Variants in ZZEF1 observed in about 807,000 individuals in gnomAD.
ZZEF1 encodes zinc finger ZZ-type and EF-hand domain-containing protein 1.
A neutral mutation model predicts 342.8 loss-of-function variants in ZZEF1; 157 were observed. The ratio of observed to expected loss-of-function variants is 0.46; its 90% confidence interval spans 0.40 to 0.52. The LOEUF (loss-of-function observed/expected upper bound fraction) is 0.52. ZZEF1 is among the 20% of genes least tolerant of loss of function. The pLI is 0.00. For synonymous variants in ZZEF1, 1,505 were observed against 1,429.1 expected (o/e 1.05, Z -1.20); for missense variants, 3,480 against 3,725.6 (o/e 0.93, Z 1.72).
In ZZEF1 at chr17:4,090,845, G is replaced by A. The variant is rs775175648; in HGVS notation, c.1914-15C>T. The A allele has an allele frequency of 8.1e-6, 13 of 1,598,114 alleles. No homozygotes were observed. Among genetic ancestry groups the A allele is most frequent in the South Asian group, 5.5e-5 (5 of 90,810 alleles). ...AGCAACCAATCCTGTAAAGACAAGAGTATTCACAAAACATTTTATTTTGAA... is the reference window on the plus strand; with the variant it reads ...AGCAACCAATCCTGTAAAGACAAGAATATTCACAAAACATTTTATTTTGAA... On this transcript the variant is annotated splice_polypyrimidine_tract_variant and intron_variant, in intron 11 of 54. Coordinates refer to ENST00000381638, the MANE Select transcript of ZZEF1 (RefSeq NM_015113.4).
chr17:4,056,529 A>T (rs2057162947), intron 32 of ZZEF1, among the ~76,000 whole-genome samples, 184 bp from the exon 33 acceptor site: 1 of 152,218 alleles, frequency 6.6e-6, no homozygotes. Flanking sequence ...ATGCCAAGAA[A>T]GAAGGAGAAG....
intron 24 of ZZEF1, among the ~76,000 whole-genome samples, chr17:4,073,426 A>G (rs1345136554): frequency 2.0e-5 from 3 of 151,128 alleles, no homozygotes; most frequent in Non-Finnish European, 4.4e-5. Flanking sequence ...TATACTGAAC[A>G]CATCTTTTTC....
intron 3 of ZZEF1, among the ~76,000 whole-genome samples, chr17:4,116,296 G>A (rs1021178404): frequency 6.6e-6 from 1 of 152,160 alleles, no homozygotes; most frequent in African/African-American, 2.4e-5. Flanking sequence ...TGGGCAACAA[G>A]AACGAAACTC....
In ZZEF1 at chr17:4,006,034, T is replaced by C. The variant is rs1046798770; in HGVS notation, c.*856A>G. On this transcript the variant is annotated 3_prime_UTR_variant, in exon 55 of 55. Transcript: ENST00000381638. ...TCAAGCAGAAATAAAATTATGTGGG[T>C]TTTTACTCTTAAAATAAGATATCCT... is the stretch of plus-strand genomic sequence containing the variant. 3.3e-5 allele frequency: 5 copies of C among 152,060 alleles called. No individual in the cohort carries two copies. Among genetic ancestry groups the C allele is most frequent in the African/African-American group, 1.2e-4 (5 of 41,388 alleles). 9.4% of individuals were successfully genotyped at this position (152,060 alleles called of 1,614,324 possible).
In ZZEF1 at chr17:4,054,211, T is replaced by C. The variant is rs184727903; in HGVS notation, c.5296-16A>G. The C allele has an allele frequency of 6.2e-7, 1 of 1,606,058 alleles. No homozygotes were observed. Among genetic ancestry groups the C allele is most frequent in the Non-Finnish European group, 8.5e-7 (1 of 1,175,418 alleles). On this transcript the variant is annotated splice_polypyrimidine_tract_variant and intron_variant, in intron 33 of 54. Transcript: ENST00000381638. ...ACATGTGCATCTGTAAGGCCAAACATATACAATTAACTGATAGATTTTCTA... is the reference window on the plus strand; with the variant it reads ...ACATGTGCATCTGTAAGGCCAAACACATACAATTAACTGATAGATTTTCTA...
intron 26 of ZZEF1, among the ~76,000 whole-genome samples, chr17:4,069,831 A>G (rs2057474274): frequency 6.6e-6 from 1 of 150,640 alleles, no homozygotes; most frequent in Admixed American, 6.7e-5. Context: ...ACTCCGTCTC[A>G]AAAAGTAAAA....
At chr17:4,055,130 G>A (rs2057129655) in intron 33 of ZZEF1, among the ~76,000 whole-genome samples, 1 of 152,198 alleles carries the variant, frequency 6.6e-6, no homozygotes, top group East Asian at 1.9e-4. Flanking sequence ...TTACTGGAAA[G>A]TACTTGGACT....
intron 39 of ZZEF1, among the ~76,000 whole-genome samples, chr17:4,041,559 T>C (rs771834382): frequency 6.6e-6 from 1 of 152,228 alleles, no homozygotes; most frequent in East Asian, 1.9e-4. Context: ...GATTCCTCTC[T>C]GTTTACTAGA....
At chr17:4,131,459 A>C (rs2058660772) in intron 1 of ZZEF1, among the ~76,000 whole-genome samples, 1 of 143,564 alleles carries the variant, frequency 7.0e-6, no homozygotes, top group Non-Finnish European at 1.5e-5. Flanking sequence ...TCAATTGTTA[A>C]CTCCAAAGAA....
At chr17:4,117,665 AAAAG>A in intron 2 of ZZEF1, among the ~76,000 whole-genome samples, 1 of 151,774 alleles carries the variant, frequency 6.6e-6, no homozygotes, top group Non-Finnish European at 1.5e-5. Flanking sequence ...AAAAAAAAAA[AAAAG>A]AATTAATTTA....
rs188054727 is a variant in ZZEF1, at chr17:4,079,438, G to A, written c.2830-1396C>T. 4.1e-4 allele frequency among the ~76,000 whole-genome samples: 63 copies of A among 152,292 alleles called. 1 individual carries two copies. The highest frequency in any genetic ancestry group is 1.9e-4 in the East Asian group (1 of 5,192). ...AATGCAGAAATAAGGATGGAGATTCGAATGAGCCATGGCTAACTGGGGCCG... is the reference window on the plus strand; with the variant it reads ...AATGCAGAAATAAGGATGGAGATTCAAATGAGCCATGGCTAACTGGGGCCG... On this transcript the variant is annotated intron_variant, in intron 18 of 54. Coordinates refer to ENST00000381638, the MANE Select transcript of ZZEF1 (RefSeq NM_015113.4).
At chr17:4,036,191 C>A (rs1411713235) in intron 39 of ZZEF1, among the ~76,000 whole-genome samples, 1 of 151,878 alleles carries the variant, frequency 6.6e-6, no homozygotes, top group Non-Finnish European at 1.5e-5. Context: ...ATGATGGGAT[C>A]CAGGATTCTC....
chr17:4,081,396 C>T lies in ZZEF1; in HGVS notation c.2809G>A (p.Val937Ile), dbSNP rs559335570. The change falls in exon 18 of 55, where the codon GTC (valine) becomes ATC (isoleucine). Residue 937 changes from valine (V) to isoleucine (I), a missense_variant. Transcript: ENST00000381638. ...GATACCTCTCGAGCAGCAACAGAGACGAGAGTGTCCATGACCGCCAGGACT... is the reference window on the plus strand; with the variant it reads ...GATACCTCTCGAGCAGCAACAGAGATGAGAGTGTCCATGACCGCCAGGACT... The part of the protein sequence containing the change: ...SEVLAVMDTL[V>I]SVAARECELL... 6.2e-6 allele frequency: 10 copies of T among 1,613,632 alleles called. No individual in the cohort carries two copies. The highest frequency in any genetic ancestry group is 3.3e-5 in the Admixed American group (2 of 60,022).
At chr17:4,060,294 G>A (rs2057255647) in intron 30 of ZZEF1, among the ~76,000 whole-genome samples, 1 of 152,170 alleles carries the variant, frequency 6.6e-6, no homozygotes, top group Non-Finnish European at 1.5e-5. Context: ...GCCAGGCATG[G>A]TGGCTCACAT....
At chr17:4,059,093 G>A in intron 31 of ZZEF1, 78 bp downstream of exon 31, 4 of 1,257,006 alleles carry the variant, frequency 3.2e-6, no homozygotes, top group South Asian at 1.7e-5. Context: ...TGGTATTTTT[G>A]ACAGTGAACA....
chr17:4,019,790 C>T lies in ZZEF1; in HGVS notation c.7405-21G>A. ...GCCATCTGGAGGCCAGGGGAGGACG[C>T]AGACAAGAACCATTAACAGTGCTTC... On this transcript the variant is annotated intron_variant, in intron 45 of 54. Transcript: ENST00000381638. The T allele has an allele frequency of 1.9e-6, 3 of 1,575,144 alleles. No homozygotes were observed. The South Asian group carries it at 3.4e-5, about 18-fold the overall frequency.
At chr17:4,087,304 T>C (rs759234104) in intron 14 of ZZEF1, 130 bp downstream of exon 14, 15 of 645,232 alleles carry the variant, frequency 2.3e-5, no homozygotes, top group Non-Finnish European at 3.4e-5. Context: ...ATAATAACCA[T>C]ATATTTTAAA....
At chr17:4,086,136 G>A (rs1381421455) in intron 15 of ZZEF1, among the ~76,000 whole-genome samples, 1 of 152,098 alleles carries the variant, frequency 6.6e-6, no homozygotes, top group Non-Finnish European at 1.5e-5. Context: ...TGAAGTTAAG[G>A]CTCAACAGTA....
intron 9 of ZZEF1, among the ~76,000 whole-genome samples, chr17:4,101,953 G>A (rs985146843): frequency 6.6e-6 from 1 of 151,916 alleles, no homozygotes; most frequent in Non-Finnish European, 1.5e-5. Flanking sequence ...CTTAAACTAT[G>A]TTTTCAGTCA....
Sources: allele counts gnomAD v4.1 joint callset (sites outside exome capture counted in the v4.1 genomes callset), GRCh38; gene constraint gnomAD v4.1.1; transcripts MANE v1.5; gene names NCBI Gene and HGNC (gene_info 2026-07-23, HGNC 2026-07-21).